GPC3: variants seen among roughly 807,000 people sequenced by gnomAD.
GPC3 encodes glypican 3.
A neutral mutation model predicts 34.4 loss-of-function variants in GPC3; 3 were observed. That is an observed-to-expected ratio of 0.09 (90% confidence interval 0.04 to 0.23). The LOEUF is 0.23. Ranked by LOEUF, GPC3 falls within the 10% of genes least tolerant of loss-of-function variation. GPC3 has a pLI of 1.00. For synonymous variants in GPC3, 177 were observed against 174.0 expected (o/e 1.02, Z -0.13); for missense variants, 351 against 445.6 (o/e 0.79, Z 1.91).
At chrX:133,810,561 G>A (rs890314644) in intron 2 of GPC3, among the ~76,000 whole-genome samples, 8 of 111,455 alleles carry the variant, frequency 7.2e-5, no homozygotes, top group African/African-American at 2.0e-4. Context: ...GTGAGTCCAC[G>A]CTATATGTAC....
At chrX:133,867,075 G>A (rs1162643024) in intron 2 of GPC3, among the ~76,000 whole-genome samples, 2 of 110,502 alleles carry the variant, frequency 1.8e-5, no homozygotes. Context: ...GTGCACGCCT[G>A]TAATCCCAGC....
At chrX:133,896,408 G>A (rs1409521852) in intron 2 of GPC3, among the ~76,000 whole-genome samples, 1 of 110,084 alleles carries the variant, frequency 9.1e-6, no homozygotes, top group Non-Finnish European at 1.9e-5. Flanking sequence ...ATCCATTGTA[G>A]GTGGCAGACC....
chrX:133,696,669 T>G (rs1432170409), intron 4 of GPC3, among the ~76,000 whole-genome samples: 1 of 111,925 alleles, frequency 8.9e-6, no homozygotes, highest in African/African-American at 3.2e-5. Flanking sequence ...GACAGTCTGC[T>G]CAACTGAATT....
intron 7 of GPC3, among the ~76,000 whole-genome samples, chrX:133,577,023 T>C (rs1676659587): frequency 9.0e-6 from 1 of 111,716 alleles, no homozygotes; most frequent in Non-Finnish European, 1.9e-5. Context: ...AGTTCAGGGT[T>C]AACAGCAAAT....
chrX:133,676,993 T>C (rs1433987663), intron 5 of GPC3, among the ~76,000 whole-genome samples: 1 of 111,781 alleles, frequency 8.9e-6, no homozygotes, highest in African/African-American at 3.3e-5. Context: ...AGAGGGCTTC[T>C]AATTTTCATT....
At chrX:133,731,832 G>T (rs1221236637) in intron 3 of GPC3, among the ~76,000 whole-genome samples, 1 of 112,712 alleles carries the variant, frequency 8.9e-6, no homozygotes, top group African/African-American at 3.2e-5. Flanking sequence ...GGGCTGATAG[G>T]TTTGTTTCCT....
intron 7 of GPC3, among the ~76,000 whole-genome samples, chrX:133,590,950 A>G (rs1464793092): frequency 9.0e-6 from 1 of 111,718 alleles, no homozygotes; most frequent in African/African-American, 3.3e-5. Flanking sequence ...CACTCCCTCT[A>G]TTTCACAAAT....
intron 3 of GPC3, among the ~76,000 whole-genome samples, chrX:133,724,323 T>C (rs1233911483): frequency 8.9e-6 from 1 of 112,162 alleles, no homozygotes; most frequent in Non-Finnish European, 1.9e-5. Context: ...TTCAGGAAGA[T>C]GGAAATAATA....
At chrX:133,689,584 A>T (rs1269337657) in intron 5 of GPC3, among the ~76,000 whole-genome samples, 2 of 111,919 alleles carry the variant, frequency 1.8e-5, no homozygotes, top group African/African-American at 3.2e-5. Flanking sequence ...GATCGATCTG[A>T]TTTTTCACCA....
chrX:133,837,244 G>C (rs754222504), intron 2 of GPC3, among the ~76,000 whole-genome samples: 5 of 111,397 alleles, frequency 4.5e-5, no homozygotes, highest in African/African-American at 1.6e-4. Flanking sequence ...TTTGGCTACT[G>C]CTACTGCTGT....
At chrX:133,944,707 G>A (rs1357691664) in intron 2 of GPC3, among the ~76,000 whole-genome samples, 1 of 112,341 alleles carries the variant, frequency 8.9e-6, no homozygotes, top group Non-Finnish European at 1.9e-5. Context: ...ATATGTGCCA[G>A]ATATGTGACA....
At chrX:133,704,560 A>C (rs2071198307) in intron 3 of GPC3, among the ~76,000 whole-genome samples, 1 of 109,497 alleles carries the variant, frequency 9.1e-6, no homozygotes, top group Admixed American at 1.0e-4. Flanking sequence ...CTGAATGGAA[A>C]TAAACTGGGG....
chrX:133,667,821 C>T (rs1407933713), intron 5 of GPC3, among the ~76,000 whole-genome samples: 3 of 109,865 alleles, frequency 2.7e-5, no homozygotes, highest in Non-Finnish European at 5.7e-5. Context: ...CACACCACTG[C>T]ACTCCAGCCT....
chrX:133,821,390 G>A (rs2075718121), intron 2 of GPC3, among the ~76,000 whole-genome samples: 1 of 112,345 alleles, frequency 8.9e-6, no homozygotes, highest in Non-Finnish European at 1.9e-5. Flanking sequence ...AGGAGCAACA[G>A]TGTCACAATC....
rs1334099668 is a variant in GPC3, at chrX:133,672,580, A to T, written c.1293-10730T>A. On this transcript the variant is annotated intron_variant, in intron 5 of 7. Transcript: ENST00000370818. ...TTTACCAAGTCCTTCTAGTCCAGAG[A>T]ACTAGGACCAGACATTTTCTTGTCC... 3.6e-5 allele frequency among the ~76,000 whole-genome samples: 4 copies of T among 112,499 alleles called. No homozygotes were observed. In the Admixed American group the frequency reaches 3.7e-4, roughly 11 times the overall value.
chrX:133,981,054 T>C (rs1207852935), intron 1 of GPC3, among the ~76,000 whole-genome samples: 1 of 112,769 alleles, frequency 8.9e-6, no homozygotes, highest in Non-Finnish European at 1.9e-5. Context: ...TATTTCCTAA[T>C]GCTTCCAAAA....
intron 3 of GPC3, among the ~76,000 whole-genome samples, chrX:133,733,392 A>G (rs1329292266): frequency 9.0e-6 from 1 of 111,292 alleles, no homozygotes; most frequent in Non-Finnish European, 1.9e-5. Context: ...ATTCACCACT[A>G]TATATTTCAT....
intron 2 of GPC3, among the ~76,000 whole-genome samples, chrX:133,770,009 G>A (rs185983987): frequency 1.1e-3 from 123 of 112,385 alleles, no homozygotes; most frequent in Non-Finnish European, 1.3e-3. Flanking sequence ...GTGCAGTGCC[G>A]CAGGCCAGTA....
intron 2 of GPC3, among the ~76,000 whole-genome samples, chrX:133,951,899 C>T (rs1258165401): frequency 9.0e-6 from 1 of 111,075 alleles, no homozygotes; most frequent in Non-Finnish European, 1.9e-5. Flanking sequence ...ATCAACACAC[C>T]TTACAATTCA....
Sources: allele counts gnomAD v4.1 joint callset (sites outside exome capture counted in the v4.1 genomes callset), GRCh38; gene constraint gnomAD v4.1.1; transcripts MANE v1.5; gene names NCBI Gene and HGNC (gene_info 2026-07-23, HGNC 2026-07-21).